Variants in KIAA1217 observed in about 807,000 individuals in gnomAD.
KIAA1217 encodes the protein sickle tail protein homolog.
Under a neutral mutation model 163.9 loss-of-function variants are expected in KIAA1217, and 88 were observed. The ratio of observed to expected loss-of-function variants is 0.54; its 90% confidence interval spans 0.45 to 0.64. The LOEUF (loss-of-function observed/expected upper bound fraction) is 0.64, where lower values mean the gene tolerates loss of function less well. Among genes scored for constraint, KIAA1217 ranks in the 30% least tolerant of loss-of-function variants. The pLI is 0.00. For synonymous variants in KIAA1217, 903 were observed against 923.1 expected (o/e 0.98, Z 0.39); for missense variants, 2,372 against 2,475.0 (o/e 0.96, Z 0.88).
chr10:23,915,849 C>T (rs966527943), intron 1 of KIAA1217, among the ~76,000 whole-genome samples: 2 of 152,060 alleles, frequency 1.3e-5, no homozygotes, highest in African/African-American at 4.8e-5. Context: ...AAAGCCAGCT[C>T]GTAGACAGTA....
chr10:23,741,889 T>G (rs1466831058), intron 1 of KIAA1217, among the ~76,000 whole-genome samples: 1 of 152,180 alleles, frequency 6.6e-6, no homozygotes, highest in African/African-American at 2.4e-5. Context: ...AAACAAGTGA[T>G]GGGATGAGGC....
chr10:24,384,427 C>T (rs968908637), intron 3 of KIAA1217, among the ~76,000 whole-genome samples: 5 of 152,074 alleles, frequency 3.3e-5, no homozygotes, highest in East Asian at 3.9e-4. Flanking sequence ...TAGAGTGGTA[C>T]GTTTGTTACG....
chr10:24,436,464 C>CA (rs34617087), intron 4 of KIAA1217, among the ~76,000 whole-genome samples: 17,660 of 138,564 alleles, frequency 0.13, 3,219 homozygotes, highest in African/African-American at 0.4. Context: ...TTATATAAGA[C>CA]AAAAAAAAAA....
At chr10:23,740,886 C>A (rs1253831401) in intron 1 of KIAA1217, among the ~76,000 whole-genome samples, 1 of 152,100 alleles carries the variant, frequency 6.6e-6, no homozygotes, top group African/African-American at 2.4e-5. Context: ...CAAGATCGTG[C>A]CATTGCACTC....
At chr10:24,510,721 C>G (rs541466558) in intron 9 of KIAA1217, among the ~76,000 whole-genome samples, 1 of 152,128 alleles carries the variant, frequency 6.6e-6, no homozygotes. Flanking sequence ...TAGCACGTGG[C>G]TTTGCTGTGT....
chr10:24,085,788 C>G (rs1312785604), intron 2 of KIAA1217, among the ~76,000 whole-genome samples: 1 of 151,998 alleles, frequency 6.6e-6, no homozygotes, highest in Non-Finnish European at 1.5e-5. Context: ...GCCTAGGTAA[C>G]ATGGCAAAAT....
chr10:23,943,783 A>G (rs774266225), intron 1 of KIAA1217, among the ~76,000 whole-genome samples: 4 of 152,226 alleles, frequency 2.6e-5, no homozygotes, highest in Non-Finnish European at 4.4e-5. Context: ...CAGAGAATGG[A>G]TACATAAAAG....
chr10:24,347,573 C>T lies in KIAA1217; in HGVS notation c.355-33296C>T, dbSNP rs11014046. On this transcript the variant is annotated intron_variant, in intron 2 of 20. Coordinates refer to ENST00000376454, the MANE Select transcript of KIAA1217 (RefSeq NM_019590.5). The stretch of plus-strand genomic sequence containing the variant: ...CCCATGGAAAAAGCCATAAGGCTTA[C>T]ATCACAAGTTTTATTTTTTTTAATA... Among the ~76,000 whole-genome samples, 841 of 152,208 alleles carry T rather than the reference C, an allele frequency of 5.5e-3. 3 individuals carry two copies. Among genetic ancestry groups the T allele is most frequent in the Non-Finnish European group, 7.1e-3 (480 of 68,020 alleles).
At chr10:24,130,935 T>G (rs1317455205) in intron 2 of KIAA1217, among the ~76,000 whole-genome samples, 1 of 152,216 alleles carries the variant, frequency 6.6e-6, no homozygotes, top group East Asian at 1.9e-4. Flanking sequence ...CTTTCCTTGG[T>G]ATACTTAAAA....
chr10:24,412,686 C>T (rs2131359246), intron 3 of KIAA1217, among the ~76,000 whole-genome samples: 1 of 152,304 alleles, frequency 6.6e-6, no homozygotes, highest in East Asian at 1.9e-4. Context: ...CTCATTTTCT[C>T]ATCCATAGAC....
intron 1 of KIAA1217, among the ~76,000 whole-genome samples, chr10:23,850,658 CAGAA>C (rs1394586422): frequency 6.6e-6 from 1 of 152,024 alleles, no homozygotes; most frequent in African/African-American, 2.4e-5. Context: ...TAACAAATCT[CAGAA>C]AGAGAAACTC....
At chr10:23,897,928 A>T (rs561832328) in intron 1 of KIAA1217, among the ~76,000 whole-genome samples, 3 of 151,906 alleles carry the variant, frequency 2.0e-5, no homozygotes, top group South Asian at 2.1e-4. Flanking sequence ...CAATTTTTAA[A>T]TTTTTTTTTA....
intron 1 of KIAA1217, among the ~76,000 whole-genome samples, chr10:23,817,921 C>A (rs1399519635): frequency 1.4e-5 from 2 of 141,348 alleles, no homozygotes; most frequent in Admixed American, 1.5e-4. Flanking sequence ...TAGACTCTGT[C>A]TCTACAAAAA....
chr10:23,818,911 C>CA (rs1213589332), intron 1 of KIAA1217, among the ~76,000 whole-genome samples: 1 of 152,170 alleles, frequency 6.6e-6, no homozygotes, highest in Admixed American at 6.5e-5. Flanking sequence ...CTCAACAAAA[C>CA]AAAGATGTGA....
intron 2 of KIAA1217, among the ~76,000 whole-genome samples, chr10:24,203,402 G>C (rs1178859348): frequency 6.6e-6 from 1 of 152,182 alleles, no homozygotes; most frequent in Non-Finnish European, 1.5e-5. Context: ...AGAAAGATGG[G>C]AGAGATGAGA....
chr10:23,943,585 G>A (rs1301734304), intron 1 of KIAA1217, among the ~76,000 whole-genome samples: 1 of 152,178 alleles, frequency 6.6e-6, no homozygotes, highest in Non-Finnish European at 1.5e-5. Context: ...GATTGAAACT[G>A]CAACAGGCAT....
intron 2 of KIAA1217, among the ~76,000 whole-genome samples, chr10:24,257,825 G>A (rs927418106): frequency 6.6e-6 from 1 of 152,104 alleles, no homozygotes; most frequent in African/African-American, 2.4e-5. Context: ...GGATAACGTA[G>A]CAGTCCCAGC....
chr10:24,012,980 C>G (rs934948448), intron 2 of KIAA1217, among the ~76,000 whole-genome samples: 3 of 152,140 alleles, frequency 2.0e-5, no homozygotes, highest in Non-Finnish European at 4.4e-5. Context: ...CTAATACTCG[C>G]TAAAATGTAT....
At chr10:23,873,629 G>A (rs992849407) in intron 1 of KIAA1217, among the ~76,000 whole-genome samples, 1 of 151,984 alleles carries the variant, frequency 6.6e-6, no homozygotes, top group Non-Finnish European at 1.5e-5. Context: ...AATTTTGGTT[G>A]AAGGAAAAAC....
Sources: gnomAD v4.1 joint callset for allele counts (sites outside exome capture counted in the v4.1 genomes callset) on GRCh38, gnomAD v4.1.1 for gene constraint, MANE v1.5 for transcripts, NCBI Gene and HGNC (gene_info 2026-07-23, HGNC 2026-07-21) for gene names.